The following ATL1 variants were observed in gnomAD, a reference collection of about 807,000 sequenced individuals.
ATL1 encodes atlastin GTPase 1, also known as atlastin-1.
ATL1 carries 31 observed loss-of-function variants against 75.5 expected under a neutral mutation model. The observed-to-expected ratio is 0.41, with a 90% CI of 0.31 to 0.55. ATL1 has a LOEUF of 0.55. ATL1 is among the 20% of genes least tolerant of loss of function. ATL1 has a pLI of 0.27. For missense variants in ATL1, 405 were observed against 662.6 expected, an observed-to-expected ratio of 0.61 and a Z score of 4.27; for synonymous variants, 226 against 233.3, an observed-to-expected ratio of 0.97 and a Z score of 0.28.
At chr14:50,566,856 A>G (rs1002181625) in intron 1 of ATL1, among the ~76,000 whole-genome samples, 2 of 150,524 alleles carry the variant, frequency 1.3e-5, no homozygotes, top group Non-Finnish European at 1.5e-5. Context: ...TGTACTTTTT[A>G]TATTTAAAAA....
At position 50,593,718 on chromosome 14, in the gene ATL1, T is replaced by C. The variant is rs561296869; in HGVS notation, c.523-128T>C. 124 of 628,390 alleles carry C rather than the reference T, an allele frequency of 2.0e-4. 2 individuals are homozygous for C. In the South Asian group the frequency reaches 2.2e-3, roughly 11 times the overall value. 38.9% of individuals were successfully genotyped at this position (628,390 alleles called of 1,614,324 possible). ...CTTCTCTCTCAAGGTCTTACAAATA[T>C]CATGTAAGCATGTACATAAGAGAGT... On this transcript the variant is annotated intron_variant, in intron 4 of 13. Coordinates refer to ENST00000358385, the MANE Select transcript of ATL1 (RefSeq NM_015915.5).
rs916111276 is a variant in ATL1 at position 50,593,134 on chromosome 14, C to A, written c.523-712C>A. On this transcript the variant is annotated intron_variant, in intron 4 of 13. Transcript: ENST00000358385. ...GCCTATTTAAACCAGATTGACTTTG[C>A]CTTATCAGTATTACTCATTATTTAT... Among the ~76,000 whole-genome samples the A allele has an allele frequency of 9.2e-5, 14 of 151,698 alleles. No individual in the cohort carries two copies. In the East Asian group the frequency reaches 2.5e-3, roughly 27 times the overall value.
chr14:50,620,472 G>T (rs2140232305), intron 8 of ATL1, 127 bp from the exon 9 acceptor site: 33 of 982,144 alleles, frequency 3.4e-5, no homozygotes, highest in East Asian at 5.9e-5. Flanking sequence ...TCGCTTAAAT[G>T]ATGGGGAAGT....
chr14:50,615,782 C>T (rs1406190346), intron 8 of ATL1, among the ~76,000 whole-genome samples: 1 of 152,160 alleles, frequency 6.6e-6, no homozygotes, highest in Non-Finnish European at 1.5e-5. Flanking sequence ...GAGAAAGCTT[C>T]TCTTTCTTCT....
chr14:50,553,770 C>T (rs1230363240), intron 1 of ATL1, among the ~76,000 whole-genome samples: 1 of 152,114 alleles, frequency 6.6e-6, no homozygotes, highest in Non-Finnish European at 1.5e-5. Flanking sequence ...ATTACTCAGC[C>T]ATAAAACAGA....
Position 50,630,756 on chromosome 14 carries a change from AAG to A in ATL1, c.1566+749_1566+750del, listed in dbSNP as rs1279451855. 5.9e-5 allele frequency among the ~76,000 whole-genome samples: 9 copies of A among 152,360 alleles called. 1 individual carries two copies. Among genetic ancestry groups the A allele is most frequent in the African/African-American group, 2.2e-4 (9 of 41,582 alleles). ...TACCATTTACTATTTACAAGTCAAT[AAG>A]AAGTTATTTTATGCAAAATTCAGTA... On this transcript the variant is annotated intron_variant, in intron 13 of 13. Transcript: ENST00000358385.
At chr14:50,625,814 G>A (rs901353329) in intron 11 of ATL1, among the ~76,000 whole-genome samples, 2 of 151,714 alleles carry the variant, frequency 1.3e-5, no homozygotes, top group Non-Finnish European at 2.9e-5. Context: ...GGAGGCTGAG[G>A]CAGGAGAAGG....
intron 1 of ATL1, among the ~76,000 whole-genome samples, chr14:50,580,513 T>C (rs985532793): frequency 1.3e-5 from 2 of 152,186 alleles, no homozygotes; most frequent in Admixed American, 6.5e-5. Flanking sequence ...TGGTGAATTA[T>C]GTTAATTGTC....
intron 11 of ATL1, among the ~76,000 whole-genome samples, chr14:50,626,205 A>C (rs1024232639): frequency 2.0e-5 from 3 of 152,224 alleles, no homozygotes; most frequent in African/African-American, 7.2e-5. Context: ...AAAAGTTAAT[A>C]AGAAATACAT....
intron 1 of ATL1, among the ~76,000 whole-genome samples, chr14:50,566,181 A>G (rs2038902072): frequency 6.6e-6 from 1 of 152,114 alleles, no homozygotes; most frequent in Non-Finnish European, 1.5e-5. Context: ...TATTTTTAGT[A>G]GAGATGGGGT....
intron 1 of ATL1, among the ~76,000 whole-genome samples, chr14:50,549,342 C>T (rs1187267927): frequency 6.6e-6 from 1 of 152,214 alleles, no homozygotes; most frequent in African/African-American, 2.4e-5. Flanking sequence ...CATCTCCATC[C>T]TCTATGCAGA....
intron 1 of ATL1, among the ~76,000 whole-genome samples, chr14:50,567,056 A>G (rs545772534): frequency 1.6e-4 from 24 of 152,180 alleles, no homozygotes; most frequent in Non-Finnish European, 3.1e-4. Flanking sequence ...TTGTGTAGCT[A>G]TCACCACTGT....
Position 50,632,329 on chromosome 14 carries a change from A to G in ATL1, c.1667A>G (p.Lys556Arg). The G allele has an allele frequency of 6.2e-7, 1 of 1,605,870 alleles. No individual in the cohort carries two copies. Among genetic ancestry groups the G allele is most frequent in the South Asian group, 1.1e-5 (1 of 90,892 alleles). The stretch of plus-strand genomic sequence containing the variant: ...GAATCTACTGAACAATCAGAAAAGA[A>G]AAAAATGTAATGCAAATTTTAAGAA... ...KSESTEQSEK[K>R]KM Residue 556 changes from lysine to arginine, a missense_variant, in exon 14 of 14, where the codon AAA (lysine) becomes AGA (arginine). By Grantham distance (26) the Lys-to-Arg change is conservative (BLOSUM62 2). Around this residue, in one of 5 missense-constraint regions of ATL1, gnomAD observed 163 missense variants for 244.1 expected, o/e 0.67. Coordinates refer to ENST00000358385, the MANE Select transcript of ATL1 (RefSeq NM_015915.5).
chr14:50,588,721 T>C (rs542237700), intron 2 of ATL1, among the ~76,000 whole-genome samples: 4 of 152,282 alleles, frequency 2.6e-5, no homozygotes, highest in Admixed American at 2.0e-4. Context: ...ACCCTGTCTC[T>C]ACTAAAAAAA....
chr14:50,550,945 T>G (rs899883951), intron 1 of ATL1, among the ~76,000 whole-genome samples: 2 of 151,600 alleles, frequency 1.3e-5, no homozygotes, highest in African/African-American at 4.8e-5. Context: ...TCAAAAAGTC[T>G]GAAAGAGCAC....
chr14:50,540,942 G>A (rs2038552968), intron 1 of ATL1, among the ~76,000 whole-genome samples: 1 of 152,166 alleles, frequency 6.6e-6, no homozygotes, highest in Non-Finnish European at 1.5e-5. Flanking sequence ...CTTGGCTTGT[G>A]CAATAGCCAA....
At chr14:50,570,361 T>C (rs1019754119) in intron 1 of ATL1, among the ~76,000 whole-genome samples, 1 of 152,266 alleles carries the variant, frequency 6.6e-6, no homozygotes. Context: ...ATTTCAATTA[T>C]TATATTTTTA....
chr14:50,592,609 C>A (rs2039169519), intron 4 of ATL1, among the ~76,000 whole-genome samples: 1 of 151,784 alleles, frequency 6.6e-6, no homozygotes, highest in Non-Finnish European at 1.5e-5. Context: ...TTTCAGTTGA[C>A]AAATAAAAAT....
chr14:50,579,962 G>A (rs1428046628), intron 1 of ATL1, among the ~76,000 whole-genome samples: 1 of 152,124 alleles, frequency 6.6e-6, no homozygotes, highest in Non-Finnish European at 1.5e-5. Flanking sequence ...ATAATGCTAT[G>A]TAAATATTTT....
Sources: gnomAD v4.1 joint callset for allele counts (sites outside exome capture counted in the v4.1 genomes callset) on GRCh38, gnomAD v4.1.1 for gene constraint, gnomAD v4.1.1 regional missense constraint, MANE v1.5 for transcripts, NCBI Gene and HGNC (gene_info 2026-07-23, HGNC 2026-07-21) for gene names.